Variants in SLC35F4 observed in about 807,000 individuals in gnomAD.
SLC35F4 encodes the protein chromosome 14 open reading frame 36.
SLC35F4 carries 24 observed loss-of-function variants against 44.2 expected under a neutral mutation model. That is an observed-to-expected ratio of 0.54 (90% CI 0.39 to 0.76). The LOEUF is 0.76. Ranked by LOEUF, SLC35F4 falls within the 30% of genes least tolerant of loss-of-function variation. The pLI is 0.00. For missense variants in SLC35F4, 562 were observed against 586.1 expected, an observed-to-expected ratio of 0.96 and a Z score of 0.42; for synonymous variants, 238 against 223.6, an observed-to-expected ratio of 1.06 and a Z score of -0.57.
chr14:57,602,417 G>T (rs1332934085), intron 1 of SLC35F4: 2 of 152,148 alleles, frequency 1.3e-5, no homozygotes, highest in East Asian at 3.9e-4. Flanking sequence ...AACCTAGGGG[G>T]AAGATAACTA....
At chr14:57,827,246 A>T (rs890627949) in intron 1 of SLC35F4, among the ~76,000 whole-genome samples, 3 of 152,190 alleles carry the variant, frequency 2.0e-5, no homozygotes, top group Non-Finnish European at 4.4e-5. Context: ...TCCTCAGCAA[A>T]CAAACGCAGG....
At chr14:57,966,557 C>A in intron 1 of SLC35F4, among the ~76,000 whole-genome samples, 1 of 152,204 alleles carries the variant, frequency 6.6e-6, no homozygotes, top group East Asian at 1.9e-4. Flanking sequence ...TATTATATCA[C>A]TGCTGACAAA....
At chr14:57,767,213 GAAC>G (rs967550165) in intron 1 of SLC35F4, among the ~76,000 whole-genome samples, 1 of 152,136 alleles carries the variant, frequency 6.6e-6, no homozygotes, top group African/African-American at 2.4e-5. Context: ...TAGAGGATCT[GAAC>G]AATACAATCA....
chr14:57,704,903 C>T (rs2075631959), intron 1 of SLC35F4, among the ~76,000 whole-genome samples: 1 of 152,164 alleles, frequency 6.6e-6, no homozygotes, highest in African/African-American at 2.4e-5. Flanking sequence ...GGGCTTCTTG[C>T]AGCAGAGTGG....
intron 1 of SLC35F4, among the ~76,000 whole-genome samples, chr14:57,698,187 T>C (rs1009772283): frequency 6.6e-5 from 10 of 152,212 alleles, no homozygotes; most frequent in Non-Finnish European, 1.3e-4. Context: ...TGCTTTCCCC[T>C]ATCATGGCTG....
At chr14:57,607,426 A>G (rs76128177) in intron 1 of SLC35F4, among the ~76,000 whole-genome samples, 145 of 152,324 alleles carry the variant, frequency 9.5e-4, no homozygotes, top group Middle Eastern at 3.4e-3. Flanking sequence ...CATAAGCTAA[A>G]CAACCAGCAT....
intron 4 of SLC35F4, chr14:57,580,589 A>G (rs2069175413): frequency 3.1e-6 from 1 of 317,692 alleles, no homozygotes; most frequent in African/African-American, 2.2e-5. Context: ...TTTAATCCAT[A>G]TTACTCCTGA....
At chr14:57,732,488 G>A (rs968657578) in intron 1 of SLC35F4, among the ~76,000 whole-genome samples, 3 of 152,128 alleles carry the variant, frequency 2.0e-5, no homozygotes, top group African/African-American at 7.2e-5. Context: ...CAAGCTAAAT[G>A]TTCAATCATA....
chr14:57,745,764 A>C (rs1435082588), intron 1 of SLC35F4, among the ~76,000 whole-genome samples: 1 of 152,108 alleles, frequency 6.6e-6, no homozygotes, highest in African/African-American at 2.4e-5. Context: ...AAATCATGCT[A>C]CTATAAAGAC....
intron 1 of SLC35F4, among the ~76,000 whole-genome samples, chr14:57,635,665 G>A (rs1311975190): frequency 1.3e-5 from 2 of 152,038 alleles, no homozygotes; most frequent in African/African-American, 2.4e-5. Flanking sequence ...TAATTAATAA[G>A]CATCTGCAAA....
At chr14:57,857,474 A>G (rs908806210) in intron 1 of SLC35F4, among the ~76,000 whole-genome samples, 1 of 151,922 alleles carries the variant, frequency 6.6e-6, no homozygotes, top group African/African-American at 2.4e-5. Context: ...AATCACTACT[A>G]CCATCATGTA....
rs529208475 is a variant in SLC35F4, at chr14:57,646,144, A to T, written c.104-52020T>A. Among the ~76,000 whole-genome samples the T allele has an allele frequency of 2.6e-5, 4 of 152,284 alleles. No homozygotes were observed. In the South Asian group the frequency reaches 8.3e-4, roughly 32 times the overall value. On this transcript the variant is annotated intron_variant, in intron 1 of 7. Transcript: ENST00000556826. ...AGGATGATGCTGGCCTCATAAAATG[A>T]GTTAGGAAGGATTCCCTCTTTTTCT... is the stretch of plus-strand genomic sequence containing the variant.
At chr14:57,853,656 C>T (rs1236491695) in intron 1 of SLC35F4, among the ~76,000 whole-genome samples, 3 of 152,064 alleles carry the variant, frequency 2.0e-5, no homozygotes, top group East Asian at 1.9e-4. Context: ...ATAGAGGACA[C>T]GTAAACGCTG....
chr14:57,584,141 G>A (rs182608287), intron 3 of SLC35F4, among the ~76,000 whole-genome samples: 19 of 152,180 alleles, frequency 1.2e-4, no homozygotes, highest in South Asian at 4.1e-4. Context: ...CTAAGAAAAC[G>A]TCCTTGTTAA....
chr14:57,845,211 G>C (rs553133609), intron 1 of SLC35F4, among the ~76,000 whole-genome samples: 1 of 152,288 alleles, frequency 6.6e-6, no homozygotes, highest in South Asian at 2.1e-4. Flanking sequence ...TTGACTGCTT[G>C]TTACTCTCTC....
chr14:57,972,542 T>TG (rs150438312), downstream of SLC35F4, among the ~76,000 whole-genome samples: 6,089 of 150,298 alleles, frequency 0.041, 323 homozygotes, highest in East Asian at 0.24. Flanking sequence ...CATGCTGAAG[T>TG]GGAAAAAAAA....
chr14:57,912,610 T>C (rs1310920976), intron 1 of SLC35F4, among the ~76,000 whole-genome samples: 1 of 152,046 alleles, frequency 6.6e-6, no homozygotes, highest in Admixed American at 6.5e-5. Context: ...TCTAGTTTAA[T>C]TCCATTATTG....
In SLC35F4 at chr14:57,865,982, G is replaced by A. The variant is rs886615625; in HGVS notation, c.-157C>T. 4 of 411,140 alleles carry A rather than the reference G, an allele frequency of 9.7e-6. No homozygotes were observed. Among genetic ancestry groups the A allele is most frequent in the Admixed American group, 9.7e-5 (2 of 20,648 alleles). The allele number at this position is 411,140 out of a possible 1,614,324, so 25.5% of individuals were successfully genotyped here. A position where few individuals can be genotyped will look rare whatever the true frequency, so the allele number is the denominator to read the frequency against. ...CACCGCCCGGCGCAGCACCGGCTCC[G>A]CATCACAGCGGCGGCGGCGGCGGCG... On this transcript the variant is annotated 5_prime_UTR_variant, in exon 1 of 8. Transcript: ENST00000556826.
chr14:57,976,621 T>C (rs1336718372), downstream of SLC35F4: 1 of 152,198 alleles, frequency 6.6e-6, no homozygotes. Context: ...GAAAACCAGA[T>C]AGATCATGGC....
Sources: allele counts gnomAD v4.1 joint callset (sites outside exome capture counted in the v4.1 genomes callset), GRCh38; gene constraint gnomAD v4.1.1; transcripts MANE v1.5; gene names NCBI Gene and HGNC (gene_info 2026-07-23, HGNC 2026-07-21).